THOC7: variants seen among roughly 807,000 people sequenced by gnomAD.
THOC7 encodes the protein NIF3L1-binding protein 1.
THOC7 carries 22 observed loss-of-function variants against 33.1 expected under a neutral mutation model. The ratio of observed to expected loss-of-function variants is 0.66; its 90% CI spans 0.47 to 0.95. The LOEUF (loss-of-function observed/expected upper bound fraction) is 0.95, where lower values mean the gene tolerates loss of function less well. THOC7 is among the 40% of genes least tolerant of loss of function. The pLI, the probability that THOC7 is intolerant of heterozygous loss-of-function variation, is 0.00. For missense variants in THOC7, 184 were observed against 245.3 expected (o/e 0.75, Z 1.67); for synonymous variants, 77 against 76.8 (o/e 1.00, Z -0.01).
intron 1 of THOC7, among the ~76,000 whole-genome samples, chr3:63,850,270 G>A (rs912979672): frequency 2.0e-5 from 3 of 151,624 alleles, no homozygotes; most frequent in African/African-American, 4.8e-5. Flanking sequence ...GTGTGATCTC[G>A]GCTCACTGCA....
At chr3:63,836,405 G>C in intron 4 of THOC7, 47 bp from the exon 5 acceptor site, 1 of 1,574,818 alleles carries the variant, frequency 6.3e-7, no homozygotes, top group Non-Finnish European at 8.7e-7. Flanking sequence ...TTTTGAATGT[G>C]AATTATCAAA....
intron 1 of THOC7, among the ~76,000 whole-genome samples, chr3:63,860,108 A>C (rs1404074409): frequency 6.6e-6 from 1 of 150,520 alleles, no homozygotes; most frequent in Non-Finnish European, 1.5e-5. Context: ...AGCTGGGACT[A>C]CCTACAGGTG....
intron 1 of THOC7, chr3:63,848,379 C>G (rs1453757762): frequency 6.6e-6 from 1 of 151,788 alleles, no homozygotes; most frequent in Non-Finnish European, 1.5e-5. Context: ...CAGACAATAA[C>G]TTAACCAATT....
At chr3:63,839,221 G>A (rs888239062) in intron 2 of THOC7, among the ~76,000 whole-genome samples, 2 of 152,100 alleles carry the variant, frequency 1.3e-5, no homozygotes, top group African/African-American at 2.4e-5. Flanking sequence ...ACGTGTGTGC[G>A]TGTGTATCAG....
chr3:63,845,109 T>TG (rs1701860520), intron 1 of THOC7: 3 of 687,052 alleles, frequency 4.4e-6, no homozygotes, highest in African/African-American at 1.8e-5. Flanking sequence ...TTTCTGGGGG[T>TG]GGGGGGTACT....
chr3:63,856,096 T>C (rs1055420764), intron 1 of THOC7, among the ~76,000 whole-genome samples: 6 of 152,144 alleles, frequency 3.9e-5, no homozygotes, highest in Admixed American at 1.3e-4. Context: ...TAAATGCCAA[T>C]AGAGGATCTG....
chr3:63,861,583 C>A (rs1446494042), intron 1 of THOC7: 1 of 152,188 alleles, frequency 6.6e-6, no homozygotes, highest in Non-Finnish European at 1.5e-5. Flanking sequence ...GGCAGGTGGT[C>A]TCCCTGCCTT....
chr3:63,847,363 T>C (rs999530087), intron 1 of THOC7, among the ~76,000 whole-genome samples: 2 of 152,220 alleles, frequency 1.3e-5, no homozygotes, highest in African/African-American at 4.8e-5. Flanking sequence ...TTAATTGTTT[T>C]GGTTCTAATG....
At chr3:63,846,001 T>C (rs1029494053) in intron 1 of THOC7, 1 of 177,974 alleles carries the variant, frequency 5.6e-6, no homozygotes, top group African/African-American at 2.4e-5. Context: ...AAATTCTTAT[T>C]GGCATTCAGA....
rs767871591 is a variant in THOC7, at chr3:63,834,021, G to C, written c.*111C>G. On this transcript the variant is annotated 3_prime_UTR_variant, in exon 8 of 8. Coordinates refer to ENST00000295899, the MANE Select transcript of THOC7 (RefSeq NM_025075.4). ...TGAAATACATTCATACTTAAAAACAGAGTATTTTACTGCCAAAACTTTAAA... is the reference window on the plus strand; with the variant it reads ...TGAAATACATTCATACTTAAAAACACAGTATTTTACTGCCAAAACTTTAAA... The C allele has an allele frequency of 2.1e-6, 2 of 963,636 alleles. No individual in the cohort carries two copies. The highest frequency in any genetic ancestry group is 3.1e-6 in the Non-Finnish European group (2 of 641,880). 59.7% of individuals were successfully genotyped at this position (963,636 alleles called of 1,614,324 possible).
intron 1 of THOC7, among the ~76,000 whole-genome samples, chr3:63,846,621 G>C (rs889726428): frequency 2.0e-5 from 3 of 152,004 alleles, no homozygotes; most frequent in African/African-American, 7.2e-5. Flanking sequence ...TGTTGGCCAG[G>C]CTGGTTCTCA....
intron 1 of THOC7, among the ~76,000 whole-genome samples, chr3:63,847,691 C>T (rs936511021): frequency 2.9e-5 from 4 of 136,918 alleles, no homozygotes; most frequent in African/African-American, 7.6e-5. Flanking sequence ...GAGCCAAGAT[C>T]GTGCAACTGC....
At chr3:63,839,845 T>C in intron 1 of THOC7, 72 bp from the exon 2 acceptor site, 1 of 1,227,562 alleles carries the variant, frequency 8.1e-7, no homozygotes, top group South Asian at 1.3e-5. Context: ...AGTATCACTG[T>C]TCATTTGTTT....
At chr3:63,835,520 C>A in intron 5 of THOC7, 130 bp from the exon 6 acceptor site, 2 of 644,998 alleles carry the variant, frequency 3.1e-6, no homozygotes, top group South Asian at 5.5e-5. Context: ...TATAACACTC[C>A]ATTATGGTGA....
intron 1 of THOC7, among the ~76,000 whole-genome samples, chr3:63,859,010 C>A (rs1702160900): frequency 6.6e-6 from 1 of 152,192 alleles, no homozygotes; most frequent in South Asian, 2.1e-4. Context: ...GATACAGGCA[C>A]ATCAAATTTG....
At chr3:63,863,485 G>A (rs1467039855) in intron 1 of THOC7, 4 of 1,171,104 alleles carry the variant, frequency 3.4e-6, no homozygotes, top group Non-Finnish European at 4.2e-6. Context: ...CCAGCCCACC[G>A]ACCACGCTCC....
chr3:63,856,516 A>C (rs1217429698), intron 1 of THOC7, among the ~76,000 whole-genome samples: 1 of 152,156 alleles, frequency 6.6e-6, no homozygotes, highest in Non-Finnish European at 1.5e-5. Flanking sequence ...CCCCATAAAT[A>C]TACGCACCTA....
At chr3:63,861,905 T>G (rs1702227009) in intron 1 of THOC7, 1 of 152,036 alleles carries the variant, frequency 6.6e-6, no homozygotes, top group African/African-American at 2.4e-5. Flanking sequence ...TGATCCTTTC[T>G]CCTCAGACTC....
At chr3:63,863,647 A>G in intron 1 of THOC7, 125 bp downstream of exon 1, 3 of 1,214,144 alleles carry the variant, frequency 2.5e-6, no homozygotes, top group Non-Finnish European at 3.1e-6. Flanking sequence ...GGGAAGGCCG[A>G]AGCGCTCTGG....
Sources: gnomAD v4.1 joint callset for allele counts (sites outside exome capture counted in the v4.1 genomes callset) on GRCh38, gnomAD v4.1.1 for gene constraint, MANE v1.5 for transcripts, NCBI Gene and HGNC (gene_info 2026-07-23, HGNC 2026-07-21) for gene names.